RIMS1: variants seen among roughly 807,000 people sequenced by gnomAD.
RIMS1 encodes regulating synaptic membrane exocytosis protein 1.
In RIMS1, 83 loss-of-function variants were observed where a neutral mutation model predicts 214.1. That is an observed-to-expected ratio of 0.39 (90% CI 0.32 to 0.47). RIMS1 has a LOEUF of 0.47. RIMS1 is among the 20% of genes least tolerant of loss of function. The probability of loss-of-function intolerance (pLI) is 0.99; values close to 1 mark genes in which losing one functional copy is unlikely to be tolerated. For synonymous variants in RIMS1, 793 were observed against 786.8 expected (o/e 1.01, Z -0.13); for missense variants, 2,050 against 2,161.8 (o/e 0.95, Z 1.03).
chr6:72,277,667 G>A (rs888816961), intron 23 of RIMS1, among the ~76,000 whole-genome samples: 1 of 152,002 alleles, frequency 6.6e-6, no homozygotes, highest in Non-Finnish European at 1.5e-5. Flanking sequence ...AATCCCAGGG[G>A]ATGTTTTCGA....
At chr6:71,986,939 TAAG>T (rs1800157707) in intron 2 of RIMS1, among the ~76,000 whole-genome samples, 1 of 152,226 alleles carries the variant, frequency 6.6e-6, no homozygotes, top group African/African-American at 2.4e-5. Context: ...GCTCCTGACT[TAAG>T]GTGACACTGA....
At chr6:71,992,958 G>A (rs923475963) in intron 2 of RIMS1, among the ~76,000 whole-genome samples, 2 of 152,176 alleles carry the variant, frequency 1.3e-5, no homozygotes, top group African/African-American at 2.4e-5. Flanking sequence ...ACCATGTCTG[G>A]CCTTTGTCTT....
intron 6 of RIMS1, among the ~76,000 whole-genome samples, chr6:72,204,495 T>G (rs1440826256): frequency 6.6e-6 from 1 of 152,202 alleles, no homozygotes; most frequent in Non-Finnish European, 1.5e-5. Flanking sequence ...ACCATACACT[T>G]TTCCATCTCC....
intron 1 of RIMS1, among the ~76,000 whole-genome samples, chr6:71,912,957 T>C (rs117785086): frequency 0.025 from 3,838 of 152,222 alleles, 73 homozygotes; most frequent in Non-Finnish European, 0.037. Context: ...TCATGGAAGC[T>C]TCTTAAATTT....
chr6:72,117,291 G>T (rs1315348608), intron 4 of RIMS1, among the ~76,000 whole-genome samples: 1 of 151,960 alleles, frequency 6.6e-6, no homozygotes, highest in Non-Finnish European at 1.5e-5. Flanking sequence ...CCCCTCTTTA[G>T]TACAATAGCT....
At chr6:72,262,601 G>GTA (rs777414876) in intron 19 of RIMS1, 110 of 947,802 alleles carry the variant, frequency 1.2e-4, no homozygotes, top group Non-Finnish European at 1.3e-4. Context: ...GTGCATGTAT[G>GTA]TATATATAAT....
At chr6:71,935,399 T>C (rs1414920123) in intron 1 of RIMS1, among the ~76,000 whole-genome samples, 1 of 152,236 alleles carries the variant, frequency 6.6e-6, no homozygotes, top group Non-Finnish European at 1.5e-5. Flanking sequence ...GAAGAATTTT[T>C]CTGATGCCAT....
intron 29 of RIMS1, among the ~76,000 whole-genome samples, chr6:72,390,152 T>C (rs540924984): frequency 1.3e-5 from 2 of 152,222 alleles, no homozygotes; most frequent in Non-Finnish European, 2.9e-5. Flanking sequence ...AACTGTGGTA[T>C]TTTTCAAACT....
chr6:72,130,933 A>G (rs2040338889), intron 4 of RIMS1, among the ~76,000 whole-genome samples: 1 of 152,206 alleles, frequency 6.6e-6, no homozygotes, highest in Non-Finnish European at 1.5e-5. Flanking sequence ...AACAGGAAAT[A>G]TTCTATCTTG....
intron 2 of RIMS1, among the ~76,000 whole-genome samples, chr6:72,026,267 C>T (rs373308770): frequency 1.3e-5 from 2 of 152,146 alleles, no homozygotes; most frequent in African/African-American, 4.8e-5. Flanking sequence ...GATGTTGAAT[C>T]TGATGGCTCT....
intron 1 of RIMS1, among the ~76,000 whole-genome samples, chr6:71,936,171 C>T (rs1431114276): frequency 1.3e-5 from 2 of 151,014 alleles, no homozygotes; most frequent in Non-Finnish European, 3.0e-5. Context: ...ACTAAAAATA[C>T]AAAAAATTAG....
In RIMS1 at chr6:72,059,611, T is replaced by C. The variant is rs192083635; in HGVS notation, c.246-37338T>C. On this transcript the variant is annotated intron_variant, in intron 2 of 33. Transcript: ENST00000521978. ...TATGTATTAAAATTCAATTTATTGA[T>C]TGATTAAGCTGTAAGAAGGAATAAT... is the stretch of plus-strand genomic sequence containing the variant. Among the ~76,000 whole-genome samples, 564 of 152,314 alleles carry C rather than the reference T, an allele frequency of 3.7e-3. 3 individuals are homozygous for C. Among genetic ancestry groups the C allele is most frequent in the Non-Finnish European group, 4.5e-3 (303 of 68,032 alleles).
intron 16 of RIMS1, among the ~76,000 whole-genome samples, chr6:72,257,203 T>C (rs1416077117): frequency 6.6e-6 from 1 of 151,648 alleles, no homozygotes; most frequent in African/African-American, 2.4e-5. Flanking sequence ...TATAGTTTTT[T>C]TTTTTACTTT....
intron 2 of RIMS1, among the ~76,000 whole-genome samples, chr6:72,051,870 T>G (rs2152145435): frequency 6.6e-6 from 1 of 152,340 alleles, no homozygotes; most frequent in African/African-American, 2.4e-5. Context: ...GCTGTTTTTT[T>G]TTCAATTTAG....
chr6:72,216,241 A>G (rs893710022), intron 6 of RIMS1, among the ~76,000 whole-genome samples: 1 of 152,196 alleles, frequency 6.6e-6, no homozygotes, highest in Non-Finnish European at 1.5e-5. Context: ...ATGAGAGGAT[A>G]ATTATTCTGT....
intron 2 of RIMS1, among the ~76,000 whole-genome samples, chr6:71,987,314 A>C (rs1421931143): frequency 6.6e-6 from 1 of 152,226 alleles, no homozygotes; most frequent in South Asian, 2.1e-4. Flanking sequence ...GTCTGAGATC[A>C]GCGTGCTAGA....
intron 2 of RIMS1, among the ~76,000 whole-genome samples, chr6:72,091,702 A>G (rs933364787): frequency 1.3e-5 from 2 of 151,886 alleles, no homozygotes; most frequent in South Asian, 2.1e-4. Flanking sequence ...TGAAACAATG[A>G]AAAAAAACAG....
At chr6:72,083,018 A>G (rs1462472003) in intron 2 of RIMS1, among the ~76,000 whole-genome samples, 2 of 152,208 alleles carry the variant, frequency 1.3e-5, no homozygotes, top group Admixed American at 1.3e-4. Context: ...TGTCAAAGTA[A>G]TGTTGAAAGC....
chr6:72,125,718 C>T (rs1019028231), intron 4 of RIMS1, among the ~76,000 whole-genome samples: 9 of 152,212 alleles, frequency 5.9e-5, no homozygotes, highest in African/African-American at 2.2e-4. Context: ...CCAGCCCAGG[C>T]TGCCACCTCG....
Sources: allele counts gnomAD v4.1 joint callset (sites outside exome capture counted in the v4.1 genomes callset), GRCh38; gene constraint gnomAD v4.1.1; transcripts MANE v1.5; gene names NCBI Gene and HGNC (gene_info 2026-07-23, HGNC 2026-07-21).